Variants in AARS2 observed in about 807,000 individuals in gnomAD.
The protein encoded by AARS2 is alanyl-tRNA synthetase 2, mitochondrial, also known as alanine--tRNA ligase, mitochondrial.
A neutral mutation model predicts 119.7 loss-of-function variants in AARS2; 78 were observed. The observed-to-expected ratio is 0.65, with a 90% confidence interval of 0.54 to 0.79. AARS2 has a LOEUF of 0.79. AARS2 is among the 30% of genes least tolerant of loss of function. AARS2 has a pLI of 0.00. For synonymous variants in AARS2, 502 were observed against 526.3 expected, an observed-to-expected ratio of 0.95 and a Z score of 0.63; for missense variants, 1,157 against 1,291.3, an observed-to-expected ratio of 0.90 and a Z score of 1.59.
In AARS2 at chr6:44,304,454, C is replaced by T. The variant is rs150402972; in HGVS notation, c.1832G>A (p.Arg611Gln). 7.2e-5 allele frequency: 116 copies of T among 1,614,180 alleles called. No individual in the cohort carries two copies. The highest frequency in any genetic ancestry group is 9.0e-5 in the Non-Finnish European group (106 of 1,180,018). The change falls in exon 13 of 22, where the codon CGG (arginine) becomes CAG (glutamine). Residue 611 changes from arginine (R) to glutamine (Q), a missense_variant. Physicochemically the swap from Arg to Gln is conservative, Grantham distance 43. Transcript: ENST00000244571. ...LHEAVAPECL[R>Q]LGDQVQLHVD... Reference sequence around the variant, plus strand: ...ATGCAGCTGCACCTGGTCCCCTAACCGCAGGCACTCAGGGGCTACTGCCTC... The same window carrying T: ...ATGCAGCTGCACCTGGTCCCCTAACTGCAGGCACTCAGGGGCTACTGCCTC...
chr6:44,303,068 C>G lies in AARS2; in HGVS notation c.2253G>C (p.Gly751=), dbSNP rs78397386. 1.2e-6 allele frequency: 2 copies of G among 1,613,932 alleles called. No individual in the cohort carries two copies. Among genetic ancestry groups the G allele is most frequent in the Non-Finnish European group, 1.7e-6 (2 of 1,180,036 alleles). The change falls in exon 16 of 22, where the codon GGG becomes GGC. Residue 751 remains glycine, a splice_region_variant and synonymous_variant. Coordinates refer to ENST00000244571, the MANE Select transcript of AARS2 (RefSeq NM_020745.4). ...ALQTSVELCC[G]THLLRTGAVG... is the part of the protein sequence containing the mutation. ...GGCAGCACAAAGGAGTGACTCACGT[C>G]CCACAGCATAGCTCCACAGAGGTCT...
chr6:44,301,569 C>T (rs1415207870), intron 19 of AARS2, 105 bp from the exon 20 acceptor site: 23 of 1,113,858 alleles, frequency 2.1e-5, no homozygotes, highest in Non-Finnish European at 2.8e-5. Context: ...CTGCTTCCCC[C>T]ACCCACCCCA....
chr6:44,305,213 T>C lies in AARS2; in HGVS notation c.1435-15A>G. 2 of 1,609,988 alleles carry C rather than the reference T, an allele frequency of 1.2e-6. No individual in the cohort carries two copies. Among genetic ancestry groups the C allele is most frequent in the Non-Finnish European group, 1.7e-6 (2 of 1,180,008 alleles). Reference sequence around the variant, plus strand: ...CGTGCCCGGTGCTGCAGGGTGGGCATGGGCATGGAAGAAGTGCATGGAGAA... The same window carrying C: ...CGTGCCCGGTGCTGCAGGGTGGGCACGGGCATGGAAGAAGTGCATGGAGAA... On this transcript the variant is annotated splice_polypyrimidine_tract_variant and intron_variant, in intron 10 of 21. Transcript: ENST00000244571. This position sits in a 1 kb window ranked among gnomAD's most constrained non-coding sequence, Gnocchi z 4.6.
At position 44,307,501 on chromosome 6, in the gene AARS2, A is replaced by C; in HGVS notation, c.895-107T>G. 3 of 1,444,852 alleles carry C rather than the reference A, an allele frequency of 2.1e-6. No homozygotes were observed. In the South Asian group the frequency reaches 3.7e-5, roughly 18 times the overall value. The allele number at this position is 1,444,852 out of a possible 1,614,324, so 89.5% of individuals were successfully genotyped here. A position where few individuals can be genotyped will look rare whatever the true frequency, so the allele number is the denominator to read the frequency against. ...CTCAGCCCTAAAGCCAACCACATCC[A>C]GAATGGCCTTGCCAGTCCAGTCCTG... is the stretch of plus-strand genomic sequence containing the variant. On this transcript the variant is annotated intron_variant, in intron 5 of 21. Transcript: ENST00000244571. The surrounding 1 kb of genome is among the most constrained non-coding windows in gnomAD (Gnocchi z 4.4).
chr6:44,307,168 G>T lies in AARS2; in HGVS notation c.1040+81C>A. Reference sequence around the variant, plus strand: ...CCCATTCCTCCTACTGGCTCAACCAGACCCACCTCTCCTGTTCCCTCCCTC... The same window carrying T: ...CCCATTCCTCCTACTGGCTCAACCATACCCACCTCTCCTGTTCCCTCCCTC... On this transcript the variant is annotated intron_variant, in intron 6 of 21. Coordinates refer to ENST00000244571, the MANE Select transcript of AARS2 (RefSeq NM_020745.4). The surrounding 1 kb of genome is among the most constrained non-coding windows in gnomAD (Gnocchi z 4.4). 1.2e-6 allele frequency: 2 copies of T among 1,604,750 alleles called. No homozygotes were observed. Among genetic ancestry groups the T allele is most frequent in the East Asian group, 2.2e-5 (1 of 44,548 alleles).
chr6:44,301,179 G>A lies in AARS2; in HGVS notation c.2770C>T (p.Leu924=). ...LLSPQPMGKV[L]CACQVAQGAM... Reference sequence around the variant, plus strand: ...ACCTGGGCCACCTGACAGGCACACAGCACCTTCCCCATGGGCTGGGGGCTG... The same window carrying A: ...ACCTGGGCCACCTGACAGGCACACAACACCTTCCCCATGGGCTGGGGGCTG... The change falls in exon 21 of 22, where the codon CTG becomes TTG. Residue 924 remains leucine (L), a synonymous_variant. Transcript: ENST00000244571. 1 of 1,613,646 alleles carries A rather than the reference G, an allele frequency of 6.2e-7. No homozygotes were observed. Among genetic ancestry groups the A allele is most frequent in the Non-Finnish European group, 8.5e-7 (1 of 1,179,906 alleles).
chr6:44,299,227 C>T lies in AARS2; in HGVS notation c.*1320G>A, dbSNP rs535583490. On this transcript the variant is annotated 3_prime_UTR_variant, in exon 22 of 22. Coordinates refer to ENST00000244571, the MANE Select transcript of AARS2 (RefSeq NM_020745.4). ...CCTGATCCCCATTCTCTATTTCCCC[C>T]CCAGACCTCATCACCATCTGACACT... is the stretch of plus-strand genomic sequence containing the variant. 6.6e-6 allele frequency among the ~76,000 whole-genome samples: 1 copy of T among 150,538 alleles called. No homozygotes were observed. The highest frequency in any genetic ancestry group is 2.4e-5 in the African/African-American group (1 of 41,120).
intron 4 of AARS2, among the ~76,000 whole-genome samples, 168 bp from the exon 5 acceptor site, chr6:44,310,611 C>T (rs973783437): frequency 6.6e-6 from 1 of 152,246 alleles, no homozygotes; most frequent in Non-Finnish European, 1.5e-5. Flanking sequence ...TGATGATGGC[C>T]TTGGGGTCCT....
intron 21 of AARS2, 91 bp downstream of exon 21, chr6:44,301,065 C>T: frequency 1.6e-6 from 1 of 634,696 alleles, no homozygotes; most frequent in Non-Finnish European, 2.5e-6. Context: ...CAGCCTTGGC[C>T]CCTTTGGGAG....
chr6:44,305,325 C>G lies in AARS2; in HGVS notation c.1435-127G>C. The G allele has an allele frequency of 6.9e-7, 1 of 1,453,072 alleles. No homozygotes were observed. The highest frequency in any genetic ancestry group is 1.2e-5 in the South Asian group (1 of 85,636). The allele number at this position is 1,453,072 out of a possible 1,614,324, so 90.0% of individuals were successfully genotyped here. On this transcript the variant is annotated intron_variant, in intron 10 of 21. Transcript: ENST00000244571. This position sits in a 1 kb window ranked among gnomAD's most constrained non-coding sequence, Gnocchi z 4.6. Reference sequence around the variant, plus strand: ...CTCTGCAGCCCTTCTGGAATAAGAACTCAGGGCTTGGCTGGCTGCTAGAGC... The same window carrying G: ...CTCTGCAGCCCTTCTGGAATAAGAAGTCAGGGCTTGGCTGGCTGCTAGAGC...
intron 21 of AARS2, 97 bp downstream of exon 21, chr6:44,301,059 C>T: frequency 3.8e-6 from 4 of 1,043,024 alleles, no homozygotes; most frequent in Non-Finnish European, 5.4e-6. Flanking sequence ...TCCACCCAGC[C>T]TTGGCCCCTT....
In AARS2 at chr6:44,302,472, C is replaced by T. The variant is rs762616214; in HGVS notation, c.2406G>A (p.Ala802=). The T allele has an allele frequency of 9.3e-6, 15 of 1,614,038 alleles. No homozygotes were observed. Among genetic ancestry groups the T allele is most frequent in the South Asian group, 5.5e-5 (5 of 91,080 alleles). The part of the protein sequence containing the change: ...LGQSLAQEVK[A]ATERLSLGSR... The stretch of plus-strand genomic sequence containing the variant: ...TCCCCAGACTCAGCCGCTCAGTGGC[C>T]GCTTTCACTTCCTGGGCCAGGCTCT... The change falls in exon 18 of 22, where the codon GCG becomes GCA. Residue 802 remains alanine (A), a synonymous_variant. Transcript: ENST00000244571.
rs1357054107 is a variant in AARS2, at chr6:44,313,269, A to G, written c.55T>C (p.Ser19Pro). ...ARRLRRAIRR[S>P]PAWRGLSHRP... ...TGGCTGAGGCCCCGCCATGCGGGCG[A>G]CCTTCGAATGGCCCGCCGCAGCCTC... The change falls in exon 1 of 22, where the codon TCG becomes CCG. Residue 19 changes from serine (S) to proline (P), a missense_variant. Ser to Pro is a moderately conservative substitution (Grantham distance 74, BLOSUM62 -1). Transcript: ENST00000244571. 6.3e-7 allele frequency: 1 copy of G among 1,597,634 alleles called. No homozygotes were observed.
At position 44,307,226 on chromosome 6, in the gene AARS2, C is replaced by T; in HGVS notation, c.1040+23G>A. On this transcript the variant is annotated intron_variant, in intron 6 of 21. Transcript: ENST00000244571. The surrounding 1 kb of genome is among the most constrained non-coding windows in gnomAD (Gnocchi z 4.4). ...TGAGACCCCCAGCAGCCCCTGTCCT[C>T]TCTGTAGCCCTTCCAGACTCACGGG... is the stretch of plus-strand genomic sequence containing the variant. 6.2e-7 allele frequency: 1 copy of T among 1,613,934 alleles called. No homozygotes were observed. Among genetic ancestry groups the T allele is most frequent in the Non-Finnish European group, 8.5e-7 (1 of 1,179,940 alleles).
rs1365915621 is a variant in AARS2 at position 44,308,614 on chromosome 6, T to C, written c.895-1220A>G. ...ATGTACACTTTTATTTATTTATTTT[T>C]TTTGAGATGAACTCTCACTCTGTTG... is the stretch of plus-strand genomic sequence containing the variant. On this transcript the variant is annotated intron_variant, in intron 5 of 21. Transcript: ENST00000244571. 3.9e-5 allele frequency among the ~76,000 whole-genome samples: 6 copies of C among 152,226 alleles called. No individual in the cohort carries two copies. The East Asian group carries it at 1.2e-3, about 29-fold the overall frequency.
chr6:44,310,393 C>T lies in AARS2; in HGVS notation c.800G>A (p.Gly267Glu). 6.2e-7 allele frequency: 1 copy of T among 1,614,192 alleles called. No homozygotes were observed. Among genetic ancestry groups the T allele is most frequent in the Non-Finnish European group, 8.5e-7 (1 of 1,180,016 alleles). The change falls in exon 5 of 22, where the codon GGA becomes GAA. Residue 267 changes from glycine (G) to glutamate (E), a missense_variant. Physicochemically the swap from Gly to Glu is moderately conservative, Grantham distance 98 (BLOSUM62 -2). Coordinates refer to ENST00000244571, the MANE Select transcript of AARS2 (RefSeq NM_020745.4). The stretch of plus-strand genomic sequence containing the variant: ...AGCCACCAGCCTTTCCAGGCCCATT[C>T]CTGTGTCCACATGCCGCTGGGGCAG... ...QPLPQRHVDT[G>E]MGLERLVAVL...
chr6:44,307,455 A>T lies in AARS2; in HGVS notation c.895-61T>A. 1 of 1,547,400 alleles carries T rather than the reference A, an allele frequency of 6.5e-7. No homozygotes were observed. Among genetic ancestry groups the T allele is most frequent in the East Asian group, 2.4e-5 (1 of 41,962 alleles). Reference sequence around the variant, plus strand: ...GACCTGGCCCAGGTGGGTGCTCTTTATCGCCTCTAGAGCATCTGCCCTCAG... The same window carrying T: ...GACCTGGCCCAGGTGGGTGCTCTTTTTCGCCTCTAGAGCATCTGCCCTCAG... On this transcript the variant is annotated intron_variant, in intron 5 of 21. Coordinates refer to ENST00000244571, the MANE Select transcript of AARS2 (RefSeq NM_020745.4). This position sits in a 1 kb window ranked among gnomAD's most constrained non-coding sequence, Gnocchi z 4.4.
In AARS2 at chr6:44,307,110, A is replaced by G; in HGVS notation, c.1041-79T>C. On this transcript the variant is annotated intron_variant, in intron 6 of 21. Transcript: ENST00000244571. This position sits in a 1 kb window ranked among gnomAD's most constrained non-coding sequence, Gnocchi z 4.4. Reference sequence around the variant, plus strand: ...ATGGGGAGTGGGAAGGACGAGGTCCAGTGTGTGCTCCCACCTCAAAGCTCT... The same window carrying G: ...ATGGGGAGTGGGAAGGACGAGGTCCGGTGTGTGCTCCCACCTCAAAGCTCT... 5.0e-6 allele frequency: 8 copies of G among 1,591,322 alleles called. No individual in the cohort carries two copies. The South Asian group carries it at 5.6e-5, about 11-fold the overall frequency.
chr6:44,300,758 G>A (rs775641737), intron 21 of AARS2, 47 bp from the exon 22 acceptor site: 7 of 1,598,778 alleles, frequency 4.4e-6, no homozygotes, highest in Non-Finnish European at 6.0e-6. Context: ...GGCCCTCCCT[G>A]CCAGCATCCA....
Sources: gnomAD v4.1 joint callset for allele counts (sites outside exome capture counted in the v4.1 genomes callset) on GRCh38, gnomAD v4.1.1 for gene constraint, Gnocchi (gnomAD v3.1) non-coding constraint, MANE v1.5 for transcripts, NCBI Gene and HGNC (gene_info 2026-07-23, HGNC 2026-07-21) for gene names.